The following ADAMTSL1 variants were observed in gnomAD, a reference collection of about 807,000 sequenced individuals.
ADAMTSL1 encodes the protein ADAMTS like 1, also known as ADAMTS-like protein 1.
Under a neutral mutation model 201.8 loss-of-function variants are expected in ADAMTSL1, and 126 were observed. The ratio of observed to expected loss-of-function variants is 0.62; its 90% CI spans 0.54 to 0.72. The LOEUF (loss-of-function observed/expected upper bound fraction) is 0.72. Among genes scored for constraint, ADAMTSL1 ranks in the 30% least tolerant of loss-of-function variants. The pLI, the probability that ADAMTSL1 is intolerant of heterozygous loss-of-function variation, is 0.00. For missense variants in ADAMTSL1, 2,679 were observed against 2,277.8 expected (o/e 1.18, Z -3.59); for synonymous variants, 1,121 against 903.4 (o/e 1.24, Z -4.32).
chr9:18,251,692 G>C (rs1323128467), intron 2 of ADAMTSL1, among the ~76,000 whole-genome samples: 1 of 152,212 alleles, frequency 6.6e-6, no homozygotes, highest in East Asian at 1.9e-4. Flanking sequence ...TGTGTGTGAA[G>C]CTTGCCTTAC....
chr9:18,439,601 G>A (rs888151853), intron 2 of ADAMTSL1, among the ~76,000 whole-genome samples: 1 of 152,150 alleles, frequency 6.6e-6, no homozygotes, highest in East Asian at 1.9e-4. Context: ...TCCTGACCTC[G>A]TGATCTGCCT....
chr9:18,107,806 A>G (rs1005562505), intron 1 of ADAMTSL1, among the ~76,000 whole-genome samples: 4 of 152,158 alleles, frequency 2.6e-5, no homozygotes, highest in Non-Finnish European at 5.9e-5. Context: ...GAAGGCAGGT[A>G]TATAACCTGG....
chr9:18,745,031 G>A (rs1274162148), intron 15 of ADAMTSL1, among the ~76,000 whole-genome samples: 4 of 152,210 alleles, frequency 2.6e-5, no homozygotes, highest in East Asian at 3.9e-4. Context: ...TTATCACTTG[G>A]TTAAGATGAT....
chr9:18,681,734 A>C, intron 11 of ADAMTSL1, 78 bp from the exon 12 acceptor site: 1 of 1,244,484 alleles, frequency 8.0e-7, no homozygotes, highest in African/African-American at 1.6e-5. Context: ...ACTTAGATTA[A>C]AAGTTTTCGA....
At chr9:18,810,351 T>C (rs1823424896) in intron 20 of ADAMTSL1, among the ~76,000 whole-genome samples, 1 of 152,214 alleles carries the variant, frequency 6.6e-6, no homozygotes, top group Admixed American at 6.5e-5. Context: ...TAATTACCTA[T>C]GCCTAGAAGG....
intron 2 of ADAMTSL1, among the ~76,000 whole-genome samples, chr9:18,369,526 G>A (rs1312851057): frequency 6.6e-6 from 1 of 152,190 alleles, no homozygotes; most frequent in Non-Finnish European, 1.5e-5. Context: ...ATACACATTG[G>A]TGGGAATGTA....
rs1210122170 is a variant in ADAMTSL1 at position 18,661,969 on chromosome 9, G to T, written c.981G>T (p.Leu327=). The change falls in exon 9 of 29, where the codon CTG becomes CTT. Residue 327 remains leucine (L), a synonymous_variant. Coordinates refer to ENST00000380548, the MANE Select transcript of ADAMTSL1 (RefSeq NM_001040272.6). ...TGACATCGGCTGAGTGCTACGATCT[G>T]AGGAGCAACCGTGTGGTTGCTGACC... is the stretch of plus-strand genomic sequence containing the variant. ...YQLTSAECYD[L]RSNRVVADQY... The T allele has an allele frequency of 6.2e-7, 1 of 1,613,972 alleles. No homozygotes were observed. The highest frequency in any genetic ancestry group is 2.2e-5 in the East Asian group (1 of 44,878).
chr9:18,044,090 T>C (rs536727570), intron 1 of ADAMTSL1, among the ~76,000 whole-genome samples: 1 of 150,682 alleles, frequency 6.6e-6, no homozygotes, highest in Non-Finnish European at 1.5e-5. Context: ...GCACCTGCTA[T>C]GTGTAGGCTA....
chr9:18,022,429 T>C (rs1311649683), intron 1 of ADAMTSL1, among the ~76,000 whole-genome samples: 1 of 152,112 alleles, frequency 6.6e-6, no homozygotes, highest in Non-Finnish European at 1.5e-5. Flanking sequence ...GCTGCCACAA[T>C]ATCCTCCCTC....
At chr9:18,298,212 G>A (rs2132714691) in intron 2 of ADAMTSL1, among the ~76,000 whole-genome samples, 1 of 152,278 alleles carries the variant, frequency 6.6e-6, no homozygotes, top group South Asian at 2.1e-4. Context: ...ATAAAGGTAT[G>A]GAGTATGGCA....
chr9:18,181,698 A>G (rs1828486459), intron 2 of ADAMTSL1, among the ~76,000 whole-genome samples: 1 of 151,968 alleles, frequency 6.6e-6, no homozygotes, highest in African/African-American at 2.4e-5. Context: ...GGGACTGTAA[A>G]CTAGTTCAAC....
At chr9:18,579,418 C>G (rs889279143) in intron 4 of ADAMTSL1, among the ~76,000 whole-genome samples, 7 of 148,696 alleles carry the variant, frequency 4.7e-5, no homozygotes, top group African/African-American at 1.7e-4. Flanking sequence ...GTGGGTGCAG[C>G]ACACCAGCAT....
At chr9:18,059,492 T>C (rs970251286) in intron 1 of ADAMTSL1, among the ~76,000 whole-genome samples, 1 of 152,214 alleles carries the variant, frequency 6.6e-6, no homozygotes, top group Non-Finnish European at 1.5e-5. Context: ...AACACTTTGG[T>C]GTATATGATC....
chr9:18,588,541 G>A (rs946051640), intron 4 of ADAMTSL1, among the ~76,000 whole-genome samples: 1 of 151,832 alleles, frequency 6.6e-6, no homozygotes, highest in African/African-American at 2.4e-5. Context: ...CCAGATCCTT[G>A]TTGTGGAGCA....
At chr9:17,923,317 T>G (rs1481091112) in intron 1 of ADAMTSL1, among the ~76,000 whole-genome samples, 1 of 146,790 alleles carries the variant, frequency 6.8e-6, no homozygotes, top group Non-Finnish European at 1.5e-5. Flanking sequence ...TTTATTTCCT[T>G]GAGCAGTGGT....
chr9:18,440,696 G>T (rs1418701291), intron 2 of ADAMTSL1, among the ~76,000 whole-genome samples: 2 of 151,348 alleles, frequency 1.3e-5, no homozygotes, highest in African/African-American at 4.9e-5. Flanking sequence ...TTAATATGAT[G>T]CATCATTTTG....
intron 2 of ADAMTSL1, among the ~76,000 whole-genome samples, chr9:18,172,819 T>C (rs1003777224): frequency 7.9e-5 from 12 of 152,098 alleles, no homozygotes; most frequent in African/African-American, 2.9e-4. Context: ...ATTTCAAAAA[T>C]AAAATATTCA....
At chr9:18,337,135 G>A (rs1214883572) in intron 2 of ADAMTSL1, among the ~76,000 whole-genome samples, 1 of 152,076 alleles carries the variant, frequency 6.6e-6, no homozygotes, top group Non-Finnish European at 1.5e-5. Flanking sequence ...ATCTGGGTGG[G>A]CACAATCTAA....
chr9:18,630,279 A>T (rs1212598772), intron 5 of ADAMTSL1, among the ~76,000 whole-genome samples: 2 of 152,148 alleles, frequency 1.3e-5, no homozygotes, highest in Non-Finnish European at 2.9e-5. Flanking sequence ...ACTTTGGCTG[A>T]TGGGATAAGA....
Sources: allele counts gnomAD v4.1 joint callset (sites outside exome capture counted in the v4.1 genomes callset), GRCh38; gene constraint gnomAD v4.1.1; transcripts MANE v1.5; gene names NCBI Gene and HGNC (gene_info 2026-07-23, HGNC 2026-07-21).